Variants in GPHB5 observed in about 807,000 individuals in gnomAD.
The protein encoded by GPHB5 is glycoprotein hormone subunit beta 5, also known as glycoprotein hormone beta-5.
GPHB5 carries 7 observed loss-of-function variants against 10.1 expected under a neutral mutation model. The ratio of observed to expected loss-of-function variants is 0.69; its 90% CI spans 0.39 to 1.30. The LOEUF (loss-of-function observed/expected upper bound fraction) is 1.30. GPHB5 is among the 50% of genes most tolerant of loss of function. The pLI is 0.01. For synonymous variants in GPHB5, 68 were observed against 70.1 expected (o/e 0.97, Z 0.15); for missense variants, 161 against 169.8 (o/e 0.95, Z 0.29).
chr14:63,317,680 G>A lies in GPHB5; in HGVS notation c.170C>T (p.Thr57Met), dbSNP rs777345787. ...KPGCRGLRIT[T>M]DACWGRCETW... ...CTCACAGCGACCCCAGCAGGCATCC[G>A]TGGTGATCCGAAGGCCCCTGCAGCC... Residue 57 changes from threonine to methionine, a missense_variant, in exon 2 of 3, where the codon ACG (threonine) becomes ATG (methionine). By Grantham distance (81) the Thr-to-Met change is moderately conservative (BLOSUM62 -1). Coordinates refer to ENST00000621500, the MANE Select transcript of GPHB5 (RefSeq NM_145171.4). 35 of 1,613,990 alleles carry A rather than the reference G, an allele frequency of 2.2e-5. No individual in the cohort carries two copies. The highest frequency in any genetic ancestry group is 2.8e-5 in the Non-Finnish European group (33 of 1,179,886).
chr14:63,317,690 G>A lies in GPHB5; in HGVS notation c.160C>T (p.Arg54Trp), dbSNP rs770683463. Residue 54 changes from arginine (R) to tryptophan (W), a missense_variant, in exon 2 of 3, where the codon CGG becomes TGG. Physicochemically the swap from Arg to Trp is moderately radical, Grantham distance 101. Transcript: ENST00000621500. ...CCCCAGCAGGCATCCGTGGTGATCC[G>A]AAGGCCCCTGCAGCCTGGCTTCTTG... The part of the protein sequence containing the change: ...LAKKPGCRGL[R>W]ITTDACWGRC... 1.5e-5 allele frequency: 24 copies of A among 1,613,888 alleles called. No individual in the cohort carries two copies. Among genetic ancestry groups the A allele is most frequent in the South Asian group, 2.2e-5 (2 of 91,080 alleles).
At chr14:63,317,962 G>A in intron 1 of GPHB5, 112 bp from the exon 2 acceptor site, 2 of 930,642 alleles carry the variant, frequency 2.1e-6, no homozygotes, top group Non-Finnish European at 3.2e-6. Flanking sequence ...AGCATTTCAG[G>A]GAAAATGAGC....
chr14:63,316,204 A>G (rs572075431), intron 2 of GPHB5, among the ~76,000 whole-genome samples: 1 of 152,226 alleles, frequency 6.6e-6, no homozygotes, highest in African/African-American at 2.4e-5. Context: ...GTTTCATCCA[A>G]TTTGGAGATT....
intron 2 of GPHB5, among the ~76,000 whole-genome samples, chr14:63,314,496 T>G (rs1356676272): frequency 6.6e-6 from 1 of 151,412 alleles, no homozygotes; most frequent in Admixed American, 6.6e-5. Flanking sequence ...TCTCAGCTCA[T>G]TGCAATCTCC....
intron 2 of GPHB5, among the ~76,000 whole-genome samples, chr14:63,316,547 A>C (rs1160131751): frequency 6.6e-6 from 1 of 152,212 alleles, no homozygotes; most frequent in Non-Finnish European, 1.5e-5. Flanking sequence ...AGTAGAGCAT[A>C]GTCAAGGGCT....
At chr14:63,315,673 T>TC (rs1001128486) in intron 2 of GPHB5, among the ~76,000 whole-genome samples, 2 of 152,072 alleles carry the variant, frequency 1.3e-5, no homozygotes, top group African/African-American at 2.4e-5. Context: ...TCAGTTAAGA[T>TC]CCCCCCCACC....
intron 2 of GPHB5, among the ~76,000 whole-genome samples, chr14:63,313,760 G>C (rs1882717900): frequency 6.6e-6 from 1 of 152,056 alleles, no homozygotes; most frequent in Non-Finnish European, 1.5e-5. Flanking sequence ...CACCAACCTT[G>C]GGTTTTTGTT....
chr14:63,314,242 G>A (rs1882727332), intron 2 of GPHB5, among the ~76,000 whole-genome samples: 1 of 152,122 alleles, frequency 6.6e-6, no homozygotes, highest in African/African-American at 2.4e-5. Context: ...GAACTAAGGA[G>A]CTTGAGTCCC....
chr14:63,313,079 T>A lies in GPHB5; in HGVS notation c.242A>T (p.His81Leu), dbSNP rs1233860613. ...GGTCTCGTTGTAGGTACAGACTCGA[T>A]GATGGGCTTCAATATAGGGGGGTTC... ...ILEPPYIEAHHRVCTYNETKQ... is the reference protein window; with the variant it reads ...ILEPPYIEAHLRVCTYNETKQ... Residue 81 changes from histidine (H) to leucine (L), a missense_variant, in exon 3 of 3, where the codon CAT (histidine) becomes CTT (leucine). His to Leu is a moderately conservative substitution (Grantham distance 99). Transcript: ENST00000621500. The A allele has an allele frequency of 6.2e-7, 1 of 1,606,836 alleles. No individual in the cohort carries two copies. Among genetic ancestry groups the A allele is most frequent in the South Asian group, 1.1e-5 (1 of 89,152 alleles).
chr14:63,317,470 T>C (rs1882790163), intron 2 of GPHB5, among the ~76,000 whole-genome samples, 176 bp downstream of exon 2: 1 of 152,182 alleles, frequency 6.6e-6, no homozygotes, highest in Non-Finnish European at 1.5e-5. Flanking sequence ...CAACATCATG[T>C]TTTTCAAATC....
At chr14:63,317,366 G>C (rs540312134) in intron 2 of GPHB5, among the ~76,000 whole-genome samples, 4 of 152,296 alleles carry the variant, frequency 2.6e-5, no homozygotes, top group Admixed American at 2.0e-4. Context: ...AAAACGGGTA[G>C]AACAGTACAT....
Position 63,312,920 on chromosome 14 carries a change from T to C in GPHB5, c.*8A>G. 6.4e-7 allele frequency: 1 copy of C among 1,551,184 alleles called. No individual in the cohort carries two copies. The highest frequency in any genetic ancestry group is 1.2e-5 in the South Asian group (1 of 83,968). ...CACAGGTGGGTCTGCAGAGAGCAGC[T>C]AGCGGCCTCAGATGGTCTCACACTC... On this transcript the variant is annotated 3_prime_UTR_variant, in exon 3 of 3. Coordinates refer to ENST00000621500, the MANE Select transcript of GPHB5 (RefSeq NM_145171.4).
chr14:63,312,899 G>A lies in GPHB5; in HGVS notation c.*29C>T. 1 of 1,538,952 alleles carries A rather than the reference G, an allele frequency of 6.5e-7. No homozygotes were observed. The highest frequency in any genetic ancestry group is 8.8e-7 in the Non-Finnish European group (1 of 1,138,074). On this transcript the variant is annotated 3_prime_UTR_variant, in exon 3 of 3. Transcript: ENST00000621500. Reference sequence around the variant, plus strand: ...TATAACTGCATGTGCTGCTCACACAGGTGGGTCTGCAGAGAGCAGCTAGCG... The same window carrying A: ...TATAACTGCATGTGCTGCTCACACAAGTGGGTCTGCAGAGAGCAGCTAGCG...
intron 2 of GPHB5, among the ~76,000 whole-genome samples, chr14:63,315,461 G>A (rs1230696034): frequency 6.6e-6 from 1 of 152,090 alleles, no homozygotes; most frequent in Non-Finnish European, 1.5e-5. Context: ...ATTTACCTGG[G>A]CTTCCTGGTT....
In GPHB5 at chr14:63,313,016, C is replaced by T. The variant is rs1480831796; in HGVS notation, c.305G>A (p.Gly102Glu). The T allele has an allele frequency of 6.3e-7, 1 of 1,591,938 alleles. No individual in the cohort carries two copies. Among genetic ancestry groups the T allele is most frequent in the Non-Finnish European group, 8.6e-7 (1 of 1,168,830 alleles). The change falls in exon 3 of 3, where the codon GGA becomes GAA. Residue 102 changes from glycine (G) to glutamate (E), a missense_variant. Physicochemically the swap from Gly to Glu is moderately conservative, Grantham distance 98. Coordinates refer to ENST00000621500, the MANE Select transcript of GPHB5 (RefSeq NM_145171.4). ...GGGATAGGTGTAGAAGGGGTCGACT[C>T]CCGGGGCACAGTTGGGCAGCTTGAC... ...VTVKLPNCAP[G>E]VDPFYTYPVA...
At chr14:63,315,207 G>A (rs12232119) in intron 2 of GPHB5, among the ~76,000 whole-genome samples, 39,484 of 151,944 alleles carry the variant, frequency 0.26, 5,523 homozygotes, top group African/African-American at 0.36. Context: ...TAGCCACCAC[G>A]CCCGGCCAGC....
chr14:63,312,844 T>A lies in GPHB5; in HGVS notation c.*84A>T. On this transcript the variant is annotated 3_prime_UTR_variant, in exon 3 of 3. Coordinates refer to ENST00000621500, the MANE Select transcript of GPHB5 (RefSeq NM_145171.4). ...CAGGTAACCTCCTCCATGGGTGTGG[T>A]CGAAATTAAACAGTCTTGCATCCAG... is the stretch of plus-strand genomic sequence containing the variant. 1 of 1,302,952 alleles carries A rather than the reference T, an allele frequency of 7.7e-7. No homozygotes were observed. Among genetic ancestry groups the A allele is most frequent in the Non-Finnish European group, 1.0e-6 (1 of 972,176 alleles). 80.7% of individuals were successfully genotyped at this position (1,302,952 alleles called of 1,614,324 possible).
chr14:63,313,639 G>A (rs58737358), intron 2 of GPHB5, among the ~76,000 whole-genome samples: 5,112 of 152,104 alleles, frequency 0.034, 285 homozygotes, highest in African/African-American at 0.12. Context: ...CTAGGCTCAC[G>A]GCGGTCTCCT....
At chr14:63,316,764 G>A (rs556007927) in intron 2 of GPHB5, among the ~76,000 whole-genome samples, 2 of 152,206 alleles carry the variant, frequency 1.3e-5, no homozygotes, top group Non-Finnish European at 2.9e-5. Flanking sequence ...GCAGGCAGAC[G>A]CCATATTGCT....
Sources: gnomAD v4.1 joint callset for allele counts (sites outside exome capture counted in the v4.1 genomes callset) on GRCh38, gnomAD v4.1.1 for gene constraint, MANE v1.5 for transcripts, NCBI Gene and HGNC (gene_info 2026-07-23, HGNC 2026-07-21) for gene names.